FTO: variants seen among roughly 807,000 people sequenced by gnomAD.
The protein encoded by FTO is alpha-ketoglutarate-dependent dioxygenase FTO.
Under a neutral mutation model 63.9 loss-of-function variants are expected in FTO, and 47 were observed. That is an observed-to-expected ratio of 0.74 (90% CI 0.58 to 0.94). The LOEUF is 0.94. Ranked by LOEUF, FTO falls within the 40% of genes least tolerant of loss-of-function variation. The probability of loss-of-function intolerance (pLI) is 0.00; values close to 1 mark genes in which losing one functional copy is unlikely to be tolerated. For missense variants in FTO, 562 were observed against 618.1 expected (o/e 0.91, Z 0.96); for synonymous variants, 207 against 224.4 (o/e 0.92, Z 0.69).
chr16:53,829,478 G>C (rs925082669), intron 3 of FTO, among the ~76,000 whole-genome samples: 1 of 152,246 alleles, frequency 6.6e-6, no homozygotes, highest in Non-Finnish European at 1.5e-5. Context: ...TATGGTGGGC[G>C]CATGTCTTCT....
At chr16:53,732,495 C>T (rs1163163218) in intron 1 of FTO, among the ~76,000 whole-genome samples, 1 of 152,194 alleles carries the variant, frequency 6.6e-6, no homozygotes, top group Non-Finnish European at 1.5e-5. Flanking sequence ...TATCAAGTCA[C>T]TTTCCAGTTC....
At chr16:54,080,635 CAA>C (rs1354536497) in intron 8 of FTO, among the ~76,000 whole-genome samples, 2 of 152,144 alleles carry the variant, frequency 1.3e-5, no homozygotes, top group East Asian at 3.8e-4. Context: ...ACCCATCACC[CAA>C]GAGTCTTGGC....
At chr16:53,961,543 A>G (rs1334260141) in intron 8 of FTO, among the ~76,000 whole-genome samples, 1 of 152,222 alleles carries the variant, frequency 6.6e-6, no homozygotes, top group Non-Finnish European at 1.5e-5. Flanking sequence ...CGAGAGTTCT[A>G]TTGTGCATTC....
At chr16:53,852,407 C>G (rs1174394415) in intron 4 of FTO, among the ~76,000 whole-genome samples, 1 of 152,126 alleles carries the variant, frequency 6.6e-6, no homozygotes, top group East Asian at 1.9e-4. Flanking sequence ...TCCTTAGAAC[C>G]AGTTTATAGA....
chr16:53,969,671 A>G (rs1177181934), intron 8 of FTO, among the ~76,000 whole-genome samples: 1 of 152,172 alleles, frequency 6.6e-6, no homozygotes, highest in Non-Finnish European at 1.5e-5. Context: ...CTACTACTGC[A>G]CACTCTCTGT....
At chr16:53,937,271 C>T (rs535536963) in intron 8 of FTO, 4 of 398,566 alleles carry the variant, frequency 1.0e-5, no homozygotes, top group East Asian at 7.1e-5. Flanking sequence ...CAAAGGACAT[C>T]GGGAGAAGCT....
intron 8 of FTO, among the ~76,000 whole-genome samples, chr16:53,982,409 C>T (rs1229893215): frequency 2.6e-5 from 4 of 152,134 alleles, no homozygotes; most frequent in African/African-American, 9.7e-5. Context: ...CTTTTGTTCA[C>T]AGAACCAATG....
At chr16:53,781,565 C>A (rs2077590032) in intron 1 of FTO, among the ~76,000 whole-genome samples, 1 of 152,122 alleles carries the variant, frequency 6.6e-6, no homozygotes, top group African/African-American at 2.4e-5. Context: ...GAGGAGGTTC[C>A]TATGCTTTGA....
At chr16:53,812,879 A>G (rs1026495636) in intron 2 of FTO, among the ~76,000 whole-genome samples, 1 of 152,172 alleles carries the variant, frequency 6.6e-6, no homozygotes, top group African/African-American at 2.4e-5. Context: ...TTTTAAAAGT[A>G]CCCTTAAGAC....
At chr16:53,917,129 C>T (rs1045170144) in intron 7 of FTO, among the ~76,000 whole-genome samples, 3 of 152,182 alleles carry the variant, frequency 2.0e-5, no homozygotes, top group East Asian at 1.9e-4. Flanking sequence ...TACTCTGCTA[C>T]CCCATGAGAA....
At chr16:53,852,727 C>G (rs1310605847) in intron 4 of FTO, among the ~76,000 whole-genome samples, 1 of 152,204 alleles carries the variant, frequency 6.6e-6, no homozygotes, top group African/African-American at 2.4e-5. Context: ...TATACTTAAT[C>G]AAAAGCTCAA....
At chr16:53,968,757 A>C (rs904035520) in intron 8 of FTO, among the ~76,000 whole-genome samples, 1 of 152,192 alleles carries the variant, frequency 6.6e-6, no homozygotes, top group Non-Finnish European at 1.5e-5. Flanking sequence ...ACCTCATCCT[A>C]TCCTTTTACC....
intron 1 of FTO, among the ~76,000 whole-genome samples, chr16:53,752,522 A>T (rs1173910170): frequency 6.6e-6 from 1 of 152,214 alleles, no homozygotes; most frequent in Admixed American, 6.5e-5. Context: ...ATCTTAATTC[A>T]AAAGGGTAGT....
intron 3 of FTO, among the ~76,000 whole-genome samples, chr16:53,839,548 C>T (rs770191227): frequency 3.3e-5 from 5 of 152,016 alleles, no homozygotes; most frequent in Non-Finnish European, 5.9e-5. Flanking sequence ...TGGGAGACAT[C>T]GAGAAAGACT....
At chr16:53,961,126 C>A (rs1318366073) in intron 8 of FTO, among the ~76,000 whole-genome samples, 1 of 152,114 alleles carries the variant, frequency 6.6e-6, no homozygotes, top group Admixed American at 6.5e-5. Context: ...ATGAGAGATC[C>A]TGCCATCAGA....
intron 8 of FTO, among the ~76,000 whole-genome samples, chr16:53,950,915 G>A (rs1599068549): frequency 6.6e-6 from 1 of 152,156 alleles, no homozygotes. Flanking sequence ...GGTGCACCTA[G>A]GCTCTTTCCT....
At chr16:53,922,202 T>TC (rs1323153787) in intron 7 of FTO, among the ~76,000 whole-genome samples, 1 of 152,188 alleles carries the variant, frequency 6.6e-6, no homozygotes, top group Non-Finnish European at 1.5e-5. Flanking sequence ...TTCCTTTTTT[T>TC]CCCCAAGAGT....
chr16:54,059,135 T>C (rs1183174044), intron 8 of FTO, among the ~76,000 whole-genome samples: 1 of 152,182 alleles, frequency 6.6e-6, no homozygotes, highest in Non-Finnish European at 1.5e-5. Context: ...AGTGTAAAAT[T>C]GGGCCCCTCG....
intron 1 of FTO, among the ~76,000 whole-genome samples, chr16:53,766,717 C>G (rs9940646): frequency 0.42 from 63,393 of 151,936 alleles, 13,461 homozygotes; most frequent in Non-Finnish European, 0.44. Context: ...GAGTCATCCA[C>G]TATATAGGTG....
Sources: allele counts gnomAD v4.1 joint callset (sites outside exome capture counted in the v4.1 genomes callset), GRCh38; gene constraint gnomAD v4.1.1; transcripts MANE v1.5; gene names NCBI Gene and HGNC (gene_info 2026-07-23, HGNC 2026-07-21).